The following ABCC5 variants were observed in gnomAD, a reference collection of about 807,000 sequenced individuals.
ABCC5 encodes the protein ATP binding cassette subfamily C member 5.
ABCC5 carries 61 observed loss-of-function variants against 160.9 expected under a neutral mutation model. The ratio of observed to expected loss-of-function variants is 0.38; its 90% CI spans 0.31 to 0.47. The LOEUF is 0.47. ABCC5 is among the 20% of genes least tolerant of loss of function. The pLI, the probability that ABCC5 is intolerant of heterozygous loss-of-function variation, is 0.99. For missense variants in ABCC5, 1,308 were observed against 1,813.3 expected (o/e 0.72, Z 5.06); for synonymous variants, 666 against 700.6 (o/e 0.95, Z 0.78).
chr3:183,989,464 A>C, intron 2 of ABCC5, 81 bp from the exon 3 acceptor site: 1 of 1,445,306 alleles, frequency 6.9e-7, no homozygotes, highest in Non-Finnish European at 9.5e-7. Context: ...AAACAGCTCA[A>C]ACTGCAAACT....
chr3:183,957,841 C>T (rs190673837), intron 17 of ABCC5, among the ~76,000 whole-genome samples: 53 of 138,222 alleles, frequency 3.8e-4, no homozygotes, highest in Non-Finnish European at 6.0e-4. Flanking sequence ...CTGTTACATG[C>T]GGATCCGTGT....
chr3:184,006,103 G>C (rs1560054682), intron 2 of ABCC5, among the ~76,000 whole-genome samples: 1 of 152,072 alleles, frequency 6.6e-6, no homozygotes. Context: ...GCCCCAGCGA[G>C]CTGTCAATGC....
At chr3:184,004,661 G>A (rs184729381) in intron 2 of ABCC5, among the ~76,000 whole-genome samples, 6 of 152,228 alleles carry the variant, frequency 3.9e-5, no homozygotes, top group African/African-American at 9.6e-5. Context: ...GCTGATCACC[G>A]TGAGAAGCAA....
intron 2 of ABCC5, among the ~76,000 whole-genome samples, chr3:183,999,089 C>CA (rs762418356): frequency 4.7e-4 from 35 of 74,814 alleles, no homozygotes; most frequent in Non-Finnish European, 7.0e-4. Flanking sequence ...GACTCTGTCT[C>CA]AAAAAAAAAA....
At chr3:183,970,966 T>C (rs1717683921) in intron 11 of ABCC5, among the ~76,000 whole-genome samples, 1 of 152,132 alleles carries the variant, frequency 6.6e-6, no homozygotes, top group South Asian at 2.1e-4. Context: ...GGCCCTCTAA[T>C]GACACGGACC....
intron 26 of ABCC5, among the ~76,000 whole-genome samples, chr3:183,936,147 C>T (rs1713692954): frequency 6.6e-6 from 1 of 152,056 alleles, no homozygotes; most frequent in African/African-American, 2.4e-5. Flanking sequence ...GCTCTCCTTT[C>T]CGCGGGCACA....
At chr3:183,933,005 T>C (rs1713324609) in intron 26 of ABCC5, among the ~76,000 whole-genome samples, 1 of 151,724 alleles carries the variant, frequency 6.6e-6, no homozygotes, top group Non-Finnish European at 1.5e-5. Flanking sequence ...CCATCTCTAC[T>C]AAAAATACAG....
At chr3:183,926,764 C>T (rs567785204) in intron 28 of ABCC5, among the ~76,000 whole-genome samples, 4 of 151,328 alleles carry the variant, frequency 2.6e-5, no homozygotes, top group Admixed American at 2.0e-4. Context: ...AAATCTATGT[C>T]GGCCAGACAC....
Position 184,003,009 on chromosome 3 carries a change from C to T in ABCC5, c.129+11255G>A, listed in dbSNP as rs562390478. On this transcript the variant is annotated intron_variant, in intron 2 of 29. Transcript: ENST00000334444. ...CAGGCCTCAGATCTCACAACACTGT[C>T]TTCCTCTCCTCTCCTCATTCACAAG... Among the ~76,000 whole-genome samples the T allele has an allele frequency of 2.0e-5, 3 of 152,064 alleles. No individual in the cohort carries two copies. In the South Asian group the frequency reaches 6.2e-4, roughly 32 times the overall value.
chr3:183,952,664 T>C (rs1281649360), intron 18 of ABCC5, among the ~76,000 whole-genome samples: 1 of 152,186 alleles, frequency 6.6e-6, no homozygotes, highest in Non-Finnish European at 1.5e-5. Flanking sequence ...CGCTGTCTTG[T>C]CTCTCTTCTG....
At chr3:183,952,034 A>G in intron 18 of ABCC5, 31 bp from the exon 19 acceptor site, 1 of 1,589,370 alleles carries the variant, frequency 6.3e-7, no homozygotes, top group Non-Finnish European at 8.6e-7. Flanking sequence ...ATGAGGCCAG[A>G]CTCCTAACGA....
rs184692702 is a variant in ABCC5, at chr3:183,963,817, G to C, written c.2032-229C>G. On this transcript the variant is annotated intron_variant, in intron 14 of 29. Coordinates refer to ENST00000334444, the MANE Select transcript of ABCC5 (RefSeq NM_005688.4). The surrounding 1 kb of genome is among the most constrained non-coding windows in gnomAD (Gnocchi z 4.6). ...CCTCTACCACTGCCATCTGGGTACC[G>C]ATCAATCCTACATCTGGTCTTGCCA... 1.3e-5 allele frequency among the ~76,000 whole-genome samples: 2 copies of C among 152,166 alleles called. No individual in the cohort carries two copies. Among genetic ancestry groups the C allele is most frequent in the Admixed American group, 6.5e-5 (1 of 15,280 alleles).
At chr3:183,995,046 A>G (rs373297973) in intron 2 of ABCC5, among the ~76,000 whole-genome samples, 9 of 151,680 alleles carry the variant, frequency 5.9e-5, no homozygotes, top group Admixed American at 2.6e-4. Context: ...AGACAGCACT[A>G]TGTTGCCCAG....
At chr3:183,978,331 T>C (rs187291282) in intron 9 of ABCC5, among the ~76,000 whole-genome samples, 172 bp downstream of exon 9, 3 of 151,866 alleles carry the variant, frequency 2.0e-5, no homozygotes, top group Non-Finnish European at 4.4e-5. Flanking sequence ...TTTTGTTTGT[T>C]TGTTTGTTTT....
intron 12 of ABCC5, 173 bp downstream of exon 12, chr3:183,967,522 A>C: frequency 1.6e-6 from 1 of 621,202 alleles, no homozygotes; most frequent in Non-Finnish European, 2.9e-6. Context: ...TCCAGGCAGA[A>C]GGCTGTGAAG....
At chr3:183,956,455 CGGTT>C (rs1715978061) in intron 17 of ABCC5, among the ~76,000 whole-genome samples, 1 of 149,662 alleles carries the variant, frequency 6.7e-6, no homozygotes. Flanking sequence ...TAAATCACAT[CGGTT>C]ACATGCGGAT....
chr3:183,941,444 CAGAA>C (rs1392637022), intron 25 of ABCC5, among the ~76,000 whole-genome samples: 1 of 151,752 alleles, frequency 6.6e-6, no homozygotes, highest in African/African-American at 2.4e-5. Context: ...TTCCCTCAAA[CAGAA>C]AGCAGGAAAT....
At chr3:183,930,136 T>C (rs1713035737) in intron 26 of ABCC5, among the ~76,000 whole-genome samples, 1 of 152,222 alleles carries the variant, frequency 6.6e-6, no homozygotes. Context: ...AACAGGAAAC[T>C]CTCTGGGAGA....
At chr3:183,966,895 T>A (rs749568410) in intron 12 of ABCC5, among the ~76,000 whole-genome samples, 41 of 152,214 alleles carry the variant, frequency 2.7e-4, no homozygotes, top group Non-Finnish European at 5.0e-4. Context: ...TCTGTTTCAT[T>A]TCAATTCAGT....
Sources: gnomAD v4.1 joint callset for allele counts (sites outside exome capture counted in the v4.1 genomes callset) on GRCh38, gnomAD v4.1.1 for gene constraint, Gnocchi (gnomAD v3.1) non-coding constraint, MANE v1.5 for transcripts, NCBI Gene and HGNC (gene_info 2026-07-23, HGNC 2026-07-21) for gene names.